The following FGD2 variants were observed in gnomAD, a reference collection of about 807,000 sequenced individuals.
FGD2 encodes FYVE, RhoGEF and PH domain-containing protein 2.
FGD2 carries 52 observed loss-of-function variants against 75.9 expected under a neutral mutation model. That is an observed-to-expected ratio of 0.69 (90% confidence interval 0.55 to 0.86). The LOEUF is 0.86. FGD2 is among the 40% of genes least tolerant of loss of function. FGD2 has a pLI of 0.00. For missense variants in FGD2, 790 were observed against 872.0 expected, an observed-to-expected ratio of 0.91 and a Z score of 1.18; for synonymous variants, 347 against 348.6, an observed-to-expected ratio of 1.00 and a Z score of 0.05.
chr6:37,020,998 A>C (rs1474810072), intron 11 of FGD2, among the ~76,000 whole-genome samples: 1 of 147,368 alleles, frequency 6.8e-6, no homozygotes, highest in Non-Finnish European at 1.5e-5. Context: ...GTGTGCATGC[A>C]TGTGTGTGCG....
At chr6:37,025,632 A>C in intron 13 of FGD2, 160 bp from the exon 14 acceptor site, 1 of 720,570 alleles carries the variant, frequency 1.4e-6, no homozygotes, top group Non-Finnish European at 2.3e-6. Context: ...CCTCACCAGC[A>C]TGGGGGAGCA....
intron 11 of FGD2, among the ~76,000 whole-genome samples, chr6:37,021,124 G>T (rs1007447594): frequency 6.6e-6 from 1 of 151,772 alleles, no homozygotes; most frequent in South Asian, 2.1e-4. Context: ...GTGTGTATGT[G>T]TCTTTGTGTG....
At position 37,021,579 on chromosome 6, in the gene FGD2, C is replaced by T; in HGVS notation, c.1301C>T (p.Pro434Leu). Reference sequence around the variant, plus strand: ...ACCTTCAAGGCTGCGGCCCAGGGGCCTGAGGGAGACATCCAGGAGCAGGAG... The same window carrying T: ...ACCTTCAAGGCTGCGGCCCAGGGGCTTGAGGGAGACATCCAGGAGCAGGAG... ...NETFKAAAQG[P>L]EGDIQEQELQ... Residue 434 changes from proline (P) to leucine (L), a missense_variant, in exon 12 of 16, where the codon CCT becomes CTT. Coordinates refer to ENST00000274963, the MANE Select transcript of FGD2 (RefSeq NM_173558.4). The T allele has an allele frequency of 6.2e-7, 1 of 1,614,058 alleles. No individual in the cohort carries two copies. Among genetic ancestry groups the T allele is most frequent in the Non-Finnish European group, 8.5e-7 (1 of 1,179,918 alleles).
In FGD2 at chr6:37,021,587, GACATC is replaced by G. The variant is rs1765595081; in HGVS notation, c.1310_1314del (p.Asp437AlafsTer8). Reference sequence around the variant, plus strand: ...GGCTGCGGCCCAGGGGCCTGAGGGAGACATCCAGGAGCAGGAGGTAAATGAAGGCT... The same window carrying G: ...GGCTGCGGCCCAGGGGCCTGAGGGAGCAGGAGCAGGAGGTAAATGAAGGCT... On this transcript the variant is annotated frameshift_variant, in exon 12 of 16. Transcript: ENST00000274963. LOFTEE classifies it high-confidence loss of function. 6.2e-7 allele frequency: 1 copy of G among 1,613,832 alleles called. No homozygotes were observed. The highest frequency in any genetic ancestry group is 8.5e-7 in the Non-Finnish European group (1 of 1,179,892).
At chr6:37,015,973 C>A in intron 9 of FGD2, 113 bp downstream of exon 9, 1 of 948,966 alleles carries the variant, frequency 1.1e-6, no homozygotes, top group Non-Finnish European at 1.6e-6. Context: ...CCTTGCAGGG[C>A]CTGGGCAAAC....
intron 11 of FGD2, 129 bp downstream of exon 11, chr6:37,020,868 AG>A (rs1765545291): frequency 8.1e-7 from 1 of 1,237,010 alleles, no homozygotes; most frequent in Admixed American, 2.2e-5. Flanking sequence ...GCTGAAGGGG[AG>A]GGAGTGGTGT....
Position 37,014,718 on chromosome 6 carries a change from C to T in FGD2, c.882+14C>T. On this transcript the variant is annotated intron_variant, in intron 7 of 15. Coordinates refer to ENST00000274963, the MANE Select transcript of FGD2 (RefSeq NM_173558.4). ...ATCACTGAGATGGTAAGCAGCCCGC[C>T]CTCTCCTGGAGCCCTGTCCCCCTCC... The T allele has an allele frequency of 1.9e-6, 3 of 1,613,988 alleles. No homozygotes were observed. Among genetic ancestry groups the T allele is most frequent in the Non-Finnish European group, 2.5e-6 (3 of 1,179,970 alleles).
intron 12 of FGD2, chr6:37,021,979 T>C: frequency 3.8e-6 from 2 of 520,602 alleles, no homozygotes; most frequent in Non-Finnish European, 6.7e-6. Flanking sequence ...AGATTTGAGC[T>C]GAACTCTGGC....
intron 6 of FGD2, chr6:37,014,411 C>T (rs1765174387): frequency 1.6e-6 from 1 of 622,518 alleles, no homozygotes; most frequent in East Asian, 2.7e-5. Context: ...TTTTGGGAAG[C>T]AGTGAGAGTC....
At position 37,015,746 on chromosome 6, in the gene FGD2, C is replaced by T. The variant is rs771309808; in HGVS notation, c.1030-22C>T. 14 of 1,566,416 alleles carry T rather than the reference C, an allele frequency of 8.9e-6. No homozygotes were observed. The South Asian group carries it at 1.4e-4, about 16-fold the overall frequency. ...TCCTCCCTGCCCCTGCCACGGGCCA[C>T]TCACGCCTGTGTCTCCTGCAGTTCA... On this transcript the variant is annotated intron_variant, in intron 8 of 15. Transcript: ENST00000274963.
intron 3 of FGD2, 153 bp from the exon 4 acceptor site, chr6:37,011,553 C>T: frequency 3.8e-6 from 4 of 1,045,710 alleles, no homozygotes; most frequent in South Asian, 2.9e-5. Context: ...AACACAACCT[C>T]CCCTGCCTTC....
chr6:37,022,414 AG>A, intron 13 of FGD2, 44 bp downstream of exon 13: 1 of 1,525,384 alleles, frequency 6.6e-7, no homozygotes. Flanking sequence ...TGCGTCACCC[AG>A]GCCTCCACCT....
chr6:37,011,913 G>A, intron 4 of FGD2, 59 bp downstream of exon 4: 1 of 1,579,818 alleles, frequency 6.3e-7, no homozygotes, highest in Non-Finnish European at 8.6e-7. Flanking sequence ...GGTGGAGGTG[G>A]GGAGACCCCA....
At chr6:37,023,089 T>C (rs1200356336) in intron 13 of FGD2, 1 of 155,430 alleles carries the variant, frequency 6.4e-6, no homozygotes, top group Non-Finnish European at 1.5e-5. Context: ...CCCTCAGGCC[T>C]TGCCCCACCA....
chr6:37,013,771 G>T lies in FGD2; in HGVS notation c.684+6G>T, dbSNP rs775739848. On this transcript the variant is annotated splice_donor_region_variant and intron_variant, in intron 5 of 15. Coordinates refer to ENST00000274963, the MANE Select transcript of FGD2 (RefSeq NM_173558.4). ...AGGTTCTCACTCGCATCCAGGTGAGGCTGGGGGAGGGCTGGAGTCAGCATT... is the reference window on the plus strand; with the variant it reads ...AGGTTCTCACTCGCATCCAGGTGAGTCTGGGGGAGGGCTGGAGTCAGCATT... 3 of 1,613,634 alleles carry T rather than the reference G, an allele frequency of 1.9e-6. No homozygotes were observed. The highest frequency in any genetic ancestry group is 3.3e-5 in the Admixed American group (2 of 59,986).
chr6:37,026,194 T>C (rs1765815271), intron 14 of FGD2: 1 of 985,332 alleles, frequency 1.0e-6, no homozygotes, highest in South Asian at 4.7e-5. Context: ...ACTTCCTCTA[T>C]GTCCCCATCC....
At position 37,008,884 on chromosome 6, in the gene FGD2, G is replaced by T. The variant is rs138995094; in HGVS notation, c.119G>T (p.Arg40Leu). Residue 40 changes from arginine (R) to leucine (L), a missense_variant, in exon 2 of 16, where the codon CGC becomes CTC. Physicochemically the swap from Arg to Leu is moderately radical, Grantham distance 102. Coordinates refer to ENST00000274963, the MANE Select transcript of FGD2 (RefSeq NM_173558.4). ...RGQRLEDVHH[R>L]PECRPPESPG... ...CAGAGGCTAGAGGACGTGCATCACCGCCCTGAGTGCAGGCCTCCCGAGTCC... is the reference window on the plus strand; with the variant it reads ...CAGAGGCTAGAGGACGTGCATCACCTCCCTGAGTGCAGGCCTCCCGAGTCC... 43 of 1,613,578 alleles carry T rather than the reference G, an allele frequency of 2.7e-5. No homozygotes were observed. In the African/African-American group the frequency reaches 5.3e-4, roughly 20 times the overall value.
At chr6:37,015,137 G>A (rs1765220833) in intron 8 of FGD2, 99 bp downstream of exon 8, 1 of 1,447,728 alleles carries the variant, frequency 6.9e-7, no homozygotes, top group South Asian at 1.4e-5. Context: ...GGCACTGCAG[G>A]GGGACAGGGA....
Position 37,020,691 on chromosome 6 carries a change from T to C in FGD2, c.1203-18T>C. On this transcript the variant is annotated intron_variant, in intron 10 of 15. Transcript: ENST00000274963. ...GAGGGGCTGATCTCCTCAACACCTG[T>C]GTTCACTTTCCGAGCAGGTCCCAGG... The C allele has an allele frequency of 1.3e-6, 2 of 1,576,208 alleles. No homozygotes were observed. Among genetic ancestry groups the C allele is most frequent in the Non-Finnish European group, 1.7e-6 (2 of 1,159,534 alleles).
Sources: gnomAD v4.1 joint callset for allele counts (sites outside exome capture counted in the v4.1 genomes callset) on GRCh38, gnomAD v4.1.1 for gene constraint, MANE v1.5 for transcripts, NCBI Gene and HGNC (gene_info 2026-07-23, HGNC 2026-07-21) for gene names.